Variants in NRXN3 observed in about 807,000 individuals in gnomAD.
NRXN3 encodes neurexin 3.
A neutral mutation model predicts 137.6 loss-of-function variants in NRXN3; 32 were observed. That is an observed-to-expected ratio of 0.23 (90% CI 0.18 to 0.31). The LOEUF is 0.31. Ranked by LOEUF, NRXN3 falls within the 10% of genes least tolerant of loss-of-function variation. NRXN3 has a pLI of 1.00. For missense variants in NRXN3, 1,574 were observed against 2,062.5 expected, an observed-to-expected ratio of 0.76 and a Z score of 4.59; for synonymous variants, 798 against 784.5, an observed-to-expected ratio of 1.02 and a Z score of -0.29.
intron 16 of NRXN3, among the ~76,000 whole-genome samples, chr14:79,615,499 A>G (rs1301429469): frequency 6.6e-6 from 1 of 152,166 alleles, no homozygotes; most frequent in African/African-American, 2.4e-5. Context: ...GTATGTATGT[A>G]TTAGTCCATT....
chr14:79,818,199 G>T (rs1386606024), intron 20 of NRXN3, among the ~76,000 whole-genome samples: 1 of 151,914 alleles, frequency 6.6e-6, no homozygotes, highest in African/African-American at 2.4e-5. Flanking sequence ...GACTACAGGT[G>T]CCCGCCACCA....
chr14:79,481,942 G>A (rs771823549), intron 16 of NRXN3, among the ~76,000 whole-genome samples: 2 of 152,072 alleles, frequency 1.3e-5, no homozygotes, highest in East Asian at 1.9e-4. Context: ...GCCCAGGTGG[G>A]GGACATCTGA....
rs201109325 is a variant in NRXN3, at chr14:78,967,186, T to G, written c.2778-22T>G. 3 of 948,800 alleles carry G rather than the reference T, an allele frequency of 3.2e-6. No individual in the cohort carries two copies. In the East Asian group the frequency reaches 1.6e-4, roughly 50 times the overall value. 58.8% of individuals were successfully genotyped at this position (948,800 alleles called of 1,614,324 possible). A position where few individuals can be genotyped will look rare whatever the true frequency, so the allele number is the denominator to read the frequency against. On this transcript the variant is annotated intron_variant, in intron 12 of 20. Transcript: ENST00000335750. Reference sequence around the variant, plus strand: ...ACTTCGGGGATTTTCCAATTATTGTTTTTTTTTTTTTTTCTTCCTAGGTAT... The same window carrying G: ...ACTTCGGGGATTTTCCAATTATTGTGTTTTTTTTTTTTTCTTCCTAGGTAT...
chr14:79,549,622 G>A (rs2097354391), intron 16 of NRXN3, among the ~76,000 whole-genome samples: 1 of 152,008 alleles, frequency 6.6e-6, no homozygotes, highest in African/African-American at 2.4e-5. Context: ...GTGTGAGCAG[G>A]GGCAGCCTAG....
chr14:79,650,799 C>G (rs908772724), intron 16 of NRXN3, among the ~76,000 whole-genome samples: 1 of 152,120 alleles, frequency 6.6e-6, no homozygotes, highest in African/African-American at 2.4e-5. Flanking sequence ...GAAAACATGA[C>G]TACATGTTAA....
At chr14:78,768,394 G>A (rs2098715797) in intron 8 of NRXN3, among the ~76,000 whole-genome samples, 1 of 152,156 alleles carries the variant, frequency 6.6e-6, no homozygotes, top group Non-Finnish European at 1.5e-5. Context: ...GTTCTTATAA[G>A]ATGGAAGAGA....
rs567455465 is a variant in NRXN3, at chr14:79,454,426, G to A, written c.3263-12795G>A. 2.7e-3 allele frequency among the ~76,000 whole-genome samples: 414 copies of A among 152,170 alleles called. 3 individuals are homozygous for A. Among genetic ancestry groups the A allele is most frequent in the African/African-American group, 9.6e-3 (398 of 41,518 alleles). On this transcript the variant is annotated intron_variant, in intron 15 of 20. Coordinates refer to ENST00000335750, the MANE Select transcript of NRXN3 (RefSeq NM_001330195.2). ...AGACAGGGTTTCTCCATGTTGGTCA[G>A]GCTGGTCTCGAACTCCCAACCTCAG...
chr14:79,034,740 T>A (rs928359909), intron 15 of NRXN3, among the ~76,000 whole-genome samples: 8 of 151,952 alleles, frequency 5.3e-5, no homozygotes, highest in Non-Finnish European at 1.2e-4. Context: ...TAACTGAGAG[T>A]TTAAAACAAT....
At chr14:78,340,087 G>C (rs568273196) in intron 4 of NRXN3, among the ~76,000 whole-genome samples, 23 of 152,334 alleles carry the variant, frequency 1.5e-4, no homozygotes, top group African/African-American at 5.3e-4. Context: ...CCAATGGACT[G>C]TACGGGTTTC....
chr14:79,609,701 A>G (rs771414184), intron 16 of NRXN3, among the ~76,000 whole-genome samples: 17 of 152,210 alleles, frequency 1.1e-4, no homozygotes, highest in Admixed American at 1.3e-4. Flanking sequence ...TTATACAGTC[A>G]TCACATATTG....
intron 15 of NRXN3, among the ~76,000 whole-genome samples, chr14:79,419,138 A>C (rs2095539698): frequency 6.6e-6 from 1 of 152,220 alleles, no homozygotes; most frequent in African/African-American, 2.4e-5. Flanking sequence ...GTATGAGTAA[A>C]GTACCAGACA....
intron 3 of NRXN3, among the ~76,000 whole-genome samples, chr14:78,280,192 C>T (rs1215318504): frequency 6.6e-6 from 1 of 152,108 alleles, no homozygotes; most frequent in African/African-American, 2.4e-5. Flanking sequence ...CCTCATGGAC[C>T]TTTTATTTTA....
rs368700265 is a variant in NRXN3 at position 79,558,433 on chromosome 14, G to A, written c.3444+91031G>A. Among the ~76,000 whole-genome samples the A allele has an allele frequency of 1.9e-3, 290 of 152,252 alleles. 1 individual carries two copies. The highest frequency in any genetic ancestry group is 6.8e-3 in the Middle Eastern group (2 of 294). ...TTCCTTGATCCATGAACTGCAGAAT[G>A]GATGCTATGTTATCAGATATGAAAG... On this transcript the variant is annotated intron_variant, in intron 16 of 20. Transcript: ENST00000335750.
chr14:78,740,815 A>AT (rs2098564793), intron 8 of NRXN3, among the ~76,000 whole-genome samples: 1 of 151,430 alleles, frequency 6.6e-6, no homozygotes, highest in Non-Finnish European at 1.5e-5. Flanking sequence ...CTGAATTTAT[A>AT]TTTTTTCTGG....
At chr14:78,905,990 G>A (rs752192456) in intron 10 of NRXN3, among the ~76,000 whole-genome samples, 1 of 151,904 alleles carries the variant, frequency 6.6e-6, no homozygotes, top group African/African-American at 2.4e-5. Context: ...AATAATTTAT[G>A]TTCTATAAGG....
chr14:78,659,129 C>T (rs961130502), intron 6 of NRXN3, among the ~76,000 whole-genome samples: 4 of 151,790 alleles, frequency 2.6e-5, no homozygotes, highest in Non-Finnish European at 2.9e-5. Context: ...TGATTGGTGT[C>T]GTTATAAGAA....
At chr14:78,838,481 G>C (rs2099003127) in intron 10 of NRXN3, among the ~76,000 whole-genome samples, 1 of 152,196 alleles carries the variant, frequency 6.6e-6, no homozygotes, top group Middle Eastern at 3.4e-3. Flanking sequence ...GTGTCTTCCA[G>C]GCCTCTGGTA....
intron 4 of NRXN3, among the ~76,000 whole-genome samples, chr14:78,611,358 C>T (rs946162392): frequency 5.3e-5 from 8 of 151,902 alleles, no homozygotes; most frequent in African/African-American, 1.7e-4. Flanking sequence ...CAGTTTCTCC[C>T]TCCTCCTGGT....
At chr14:79,057,177 T>G (rs1209938332) in intron 15 of NRXN3, among the ~76,000 whole-genome samples, 1 of 152,240 alleles carries the variant, frequency 6.6e-6, no homozygotes, top group African/African-American at 2.4e-5. Flanking sequence ...CATGCTGCTA[T>G]AAGTGATGTC....
Sources: gnomAD v4.1 joint callset for allele counts (sites outside exome capture counted in the v4.1 genomes callset) on GRCh38, gnomAD v4.1.1 for gene constraint, MANE v1.5 for transcripts, NCBI Gene and HGNC (gene_info 2026-07-23, HGNC 2026-07-21) for gene names.